Variants in ARHGAP35 observed in about 807,000 individuals in gnomAD.
ARHGAP35 encodes the protein Rho GTPase activating protein 35.
ARHGAP35 carries 15 observed loss-of-function variants against 111.1 expected under a neutral mutation model. The observed-to-expected ratio is 0.13, with a 90% CI of 0.09 to 0.21. The LOEUF is 0.21. ARHGAP35 is among the 10% of genes least tolerant of loss of function. The pLI, the probability that ARHGAP35 is intolerant of heterozygous loss-of-function variation, is 1.00. For synonymous variants in ARHGAP35, 643 were observed against 710.3 expected (o/e 0.91, Z 1.51); for missense variants, 1,262 against 1,873.0 (o/e 0.67, Z 6.02).
rs16980767 is a variant in ARHGAP35, at chr19:46,922,450, TAA to T, written c.3681+103_3681+104del. On this transcript the variant is annotated intron_variant, in intron 2 of 6. Coordinates refer to ENST00000672722, the MANE Select transcript of ARHGAP35 (RefSeq NM_004491.5). This position sits in a 1 kb window ranked among gnomAD's most constrained non-coding sequence, Gnocchi z 4.0. ...ATTTTTCAAGGACAACCTATTCTGG[TAA>T]AAAAAAAACTGCCCTGTGTGTGTAT... 1 of 1,116,130 alleles carries T rather than the reference TAA, an allele frequency of 9.0e-7. No individual in the cohort carries two copies. Among genetic ancestry groups the T allele is most frequent in the Non-Finnish European group, 1.2e-6 (1 of 847,450 alleles). The allele number at this position is 1,116,130 out of a possible 1,614,324, so 69.1% of individuals were successfully genotyped here. A position where few individuals can be genotyped will look rare whatever the true frequency, so the allele number is the denominator to read the frequency against.
At chr19:46,882,360 A>T (rs1243527266) in intron 1 of ARHGAP35, among the ~76,000 whole-genome samples, 1 of 151,846 alleles carries the variant, frequency 6.6e-6, no homozygotes, top group Non-Finnish European at 1.5e-5. Flanking sequence ...CTGGTCTCGA[A>T]TTCCTGGCCT....
chr19:46,978,970 A>T (rs1599861576), intron 3 of ARHGAP35, among the ~76,000 whole-genome samples: 4 of 40,370 alleles, frequency 9.9e-5, no homozygotes, highest in South Asian at 1.0e-3. Flanking sequence ...TTTGGTGGAA[A>T]GTGTGTGTGT....
intron 1 of ARHGAP35, among the ~76,000 whole-genome samples, chr19:46,868,220 C>T (rs1438649922): frequency 6.6e-6 from 1 of 152,190 alleles, no homozygotes; most frequent in Non-Finnish European, 1.5e-5. Flanking sequence ...ATTTCTTGAT[C>T]ATGATGACAC....
chr19:46,992,705 A>G lies in ARHGAP35; in HGVS notation c.4036+3030A>G, dbSNP rs562277275. Among the ~76,000 whole-genome samples the G allele has an allele frequency of 3.3e-5, 5 of 152,336 alleles. No individual in the cohort carries two copies. Among genetic ancestry groups the G allele is most frequent in the Non-Finnish European group, 2.9e-5 (2 of 68,020 alleles). ...TCCAGGGTCCGCATTAACTCCCTGT[A>G]ATAGCTCACAAAATTCAGTCTTTTT... On this transcript the variant is annotated intron_variant, in intron 5 of 6. Transcript: ENST00000672722. This position sits in a 1 kb window ranked among gnomAD's most constrained non-coding sequence, Gnocchi z 4.4.
chr19:46,990,869 G>C (rs528725570), intron 5 of ARHGAP35, among the ~76,000 whole-genome samples: 5 of 152,114 alleles, frequency 3.3e-5, no homozygotes, highest in Non-Finnish European at 7.4e-5. Flanking sequence ...ATCCTTCCAG[G>C]GTCTGCACTT....
chr19:46,893,876 C>T (rs1052302499), intron 1 of ARHGAP35, among the ~76,000 whole-genome samples: 12 of 142,238 alleles, frequency 8.4e-5, no homozygotes, highest in Admixed American at 2.8e-4. Context: ...TTCGTTCGTT[C>T]GTTCTTTCTC....
intron 3 of ARHGAP35, among the ~76,000 whole-genome samples, chr19:46,964,877 G>A (rs531148986): frequency 1.3e-5 from 2 of 152,176 alleles, no homozygotes; most frequent in African/African-American, 4.8e-5. Context: ...TAGGTCTTTG[G>A]TAGCCTGTCC....
intron 1 of ARHGAP35, among the ~76,000 whole-genome samples, chr19:46,905,754 G>A (rs536883621): frequency 2.0e-5 from 3 of 152,168 alleles, no homozygotes; most frequent in South Asian, 2.1e-4. Context: ...GTTTCACCAT[G>A]TTGGCCAGGC....
In ARHGAP35 at chr19:46,988,319, T is replaced by G. The variant is rs1038034969; in HGVS notation, c.3904+253T>G. On this transcript the variant is annotated intron_variant, in intron 4 of 6. Coordinates refer to ENST00000672722, the MANE Select transcript of ARHGAP35 (RefSeq NM_004491.5). The surrounding 1 kb of genome is among the most constrained non-coding windows in gnomAD (Gnocchi z 5.4). The stretch of plus-strand genomic sequence containing the variant: ...CACTCCCCACACTGCCACTCACAGA[T>G]GCTCTTCCAGGTTGCCCGGGCACAT... 3 of 478,182 alleles carry G rather than the reference T, an allele frequency of 6.3e-6. No homozygotes were observed. The highest frequency in any genetic ancestry group is 1.2e-5 in the Non-Finnish European group (3 of 259,778). The allele number at this position is 478,182 out of a possible 1,614,324, so 29.6% of individuals were successfully genotyped here. A position where few individuals can be genotyped will look rare whatever the true frequency, so the allele number is the denominator to read the frequency against.
intron 3 of ARHGAP35, among the ~76,000 whole-genome samples, chr19:46,944,984 C>G (rs1399846264): frequency 6.6e-6 from 1 of 152,178 alleles, no homozygotes; most frequent in Admixed American, 6.5e-5. Context: ...GAGAGTAGAA[C>G]AGCTTTCAGA....
At chr19:46,861,892 A>C (rs754140427) in intron 1 of ARHGAP35, among the ~76,000 whole-genome samples, 49 of 147,050 alleles carry the variant, frequency 3.3e-4, no homozygotes, top group Non-Finnish European at 6.3e-4. Flanking sequence ...CTTGGACTGA[A>C]TCCCGTTCCC....
intron 3 of ARHGAP35, among the ~76,000 whole-genome samples, chr19:46,973,075 G>T (rs2056559878): frequency 6.6e-6 from 1 of 151,970 alleles, no homozygotes; most frequent in Non-Finnish European, 1.5e-5. Flanking sequence ...TAAAAAAATT[G>T]AGACAGGTCG....
At chr19:46,896,776 T>C (rs1366008302) in intron 1 of ARHGAP35, among the ~76,000 whole-genome samples, 1 of 152,240 alleles carries the variant, frequency 6.6e-6, no homozygotes, top group East Asian at 1.9e-4. Context: ...TCTGTTGGGT[T>C]ACTGTGAGAA....
intron 1 of ARHGAP35, among the ~76,000 whole-genome samples, chr19:46,862,574 A>T (rs1485388927): frequency 6.7e-6 from 1 of 149,878 alleles, no homozygotes; most frequent in South Asian, 2.1e-4. Context: ...TTGTACCTAC[A>T]CTTTCTTCTC....
chr19:46,883,990 G>T (rs1055428926), intron 1 of ARHGAP35, among the ~76,000 whole-genome samples: 1 of 152,180 alleles, frequency 6.6e-6, no homozygotes, highest in Non-Finnish European at 1.5e-5. Context: ...GGGAGGCGCA[G>T]GTTGCAGTGA....
At chr19:46,931,271 T>A (rs2122216426) in intron 2 of ARHGAP35, among the ~76,000 whole-genome samples, 1 of 152,310 alleles carries the variant, frequency 6.6e-6, no homozygotes, top group East Asian at 1.9e-4. Context: ...ATACATTGAG[T>A]GCCCACTGCA....
At chr19:46,936,341 T>C (rs2056307016) in intron 2 of ARHGAP35, among the ~76,000 whole-genome samples, 1 of 152,222 alleles carries the variant, frequency 6.6e-6, no homozygotes, top group African/African-American at 2.4e-5. Context: ...CTAGTACTTC[T>C]TGAAGAAGGT....
chr19:46,996,058 G>A (rs931101064), intron 5 of ARHGAP35, among the ~76,000 whole-genome samples: 1 of 152,308 alleles, frequency 6.6e-6, no homozygotes, highest in South Asian at 2.1e-4. Flanking sequence ...TTCGGCTGAG[G>A]TGCATATGCA....
chr19:46,979,669 G>A (rs985310776), intron 3 of ARHGAP35, among the ~76,000 whole-genome samples: 1 of 152,166 alleles, frequency 6.6e-6, no homozygotes, highest in Non-Finnish European at 1.5e-5. Flanking sequence ...CTCCTCCTCA[G>A]CCCTGAGATT....
Sources: allele counts gnomAD v4.1 joint callset (sites outside exome capture counted in the v4.1 genomes callset), GRCh38; gene constraint gnomAD v4.1.1; non-coding constraint Gnocchi (gnomAD v3.1); transcripts MANE v1.5; gene names NCBI Gene and HGNC (gene_info 2026-07-23, HGNC 2026-07-21).